TINAG: variants seen among roughly 807,000 people sequenced by gnomAD.
The protein encoded by TINAG is tubulointerstitial nephritis antigen.
Under a neutral mutation model 72.7 loss-of-function variants are expected in TINAG, and 83 were observed. The observed-to-expected ratio is 1.14, with a 90% CI of 0.96 to 1.37. The LOEUF (loss-of-function observed/expected upper bound fraction) is 1.37, where lower values mean the gene tolerates loss of function less well. Among genes scored for constraint, TINAG ranks in the 40% most tolerant of loss-of-function variants. The pLI is 0.00. For missense variants in TINAG, 685 were observed against 576.6 expected (o/e 1.19, Z -1.93); for synonymous variants, 234 against 189.9 (o/e 1.23, Z -1.91).
In TINAG at chr6:54,347,378, G is replaced by A. The variant is rs761763042; in HGVS notation, c.760G>A (p.Asp254Asn). ...TCTATTTGAAACAGGTGTGGCTGCT[G>A]ACCGAATAGCAATTCAGTCTAAGGG... The part of the protein sequence containing the change: ...WAFSTASVAA[D>N]RIAIQSKGRY... The change falls in exon 6 of 11, where the codon GAC (aspartate) becomes AAC (asparagine). Residue 254 changes from aspartate to asparagine, a missense_variant. Physicochemically the swap from Asp to Asn is conservative, Grantham distance 23. Coordinates refer to ENST00000259782, the MANE Select transcript of TINAG (RefSeq NM_014464.4). 3.1e-6 allele frequency: 5 copies of A among 1,612,478 alleles called. No individual in the cohort carries two copies. The South Asian group carries it at 4.4e-5, about 14-fold the overall frequency.
intron 3 of TINAG, among the ~76,000 whole-genome samples, chr6:54,324,087 G>A (rs554550753): frequency 3.3e-5 from 5 of 152,172 alleles, no homozygotes; most frequent in Non-Finnish European, 5.9e-5. Context: ...AGTGGCACAA[G>A]TAATAATCAG....
intron 4 of TINAG, among the ~76,000 whole-genome samples, chr6:54,337,275 CAG>C (rs1429240821): frequency 9.1e-6 from 1 of 109,490 alleles, no homozygotes; most frequent in African/African-American, 3.5e-5. Context: ...TTTTTTGAGA[CAG>C]AGTCTTGCTC....
intron 9 of TINAG, among the ~76,000 whole-genome samples, chr6:54,370,131 GAAAT>G (rs1763560046): frequency 6.6e-6 from 1 of 152,030 alleles, no homozygotes; most frequent in Non-Finnish European, 1.5e-5. Flanking sequence ...TGAAGAAAAA[GAAAT>G]AAATAAATGA....
chr6:54,318,466 G>A (rs1175631176), intron 1 of TINAG, among the ~76,000 whole-genome samples: 1 of 151,954 alleles, frequency 6.6e-6, no homozygotes, highest in Non-Finnish European at 1.5e-5. Context: ...TTCCCTTTGA[G>A]TTACCTCCAA....
At chr6:54,315,606 G>A (rs1484223976) in intron 1 of TINAG, among the ~76,000 whole-genome samples, 1 of 151,936 alleles carries the variant, frequency 6.6e-6, no homozygotes, top group African/African-American at 2.4e-5. Flanking sequence ...AAGCCCAGGA[G>A]TTTGAGGCTT....
chr6:54,374,406 G>A (rs578055231), intron 9 of TINAG, among the ~76,000 whole-genome samples: 2 of 152,038 alleles, frequency 1.3e-5, no homozygotes, highest in Non-Finnish European at 1.5e-5. Flanking sequence ...AAAATTAAGT[G>A]GTGGTAGGGA....
At chr6:54,351,964 A>G (rs1442925589) in intron 8 of TINAG, among the ~76,000 whole-genome samples, 1 of 151,880 alleles carries the variant, frequency 6.6e-6, no homozygotes, top group Non-Finnish European at 1.5e-5. Flanking sequence ...GAAATCATAC[A>G]GTTACTTGTA....
chr6:54,309,594 T>C (rs1237401189), intron 1 of TINAG, among the ~76,000 whole-genome samples: 1 of 152,152 alleles, frequency 6.6e-6, no homozygotes, highest in Non-Finnish European at 1.5e-5. Flanking sequence ...ATGGTATTTA[T>C]TATATTTATC....
intron 9 of TINAG, among the ~76,000 whole-genome samples, chr6:54,369,437 T>A (rs1330530795): frequency 1.3e-5 from 2 of 151,976 alleles, no homozygotes; most frequent in Non-Finnish European, 2.9e-5. Flanking sequence ...AGAGCACACA[T>A]ATATATGATA....
intron 10 of TINAG, among the ~76,000 whole-genome samples, chr6:54,386,920 T>C (rs1764114882): frequency 6.6e-6 from 1 of 152,040 alleles, no homozygotes; most frequent in Non-Finnish European, 1.5e-5. Flanking sequence ...TCAGACTACA[T>C]TAAAATAAGA....
intron 7 of TINAG, among the ~76,000 whole-genome samples, 196 bp downstream of exon 7, chr6:54,350,092 T>C (rs1239457427): frequency 2.0e-5 from 3 of 152,064 alleles, no homozygotes; most frequent in Non-Finnish European, 4.4e-5. Flanking sequence ...ATTAGCAGTG[T>C]AAAGGACTGA....
chr6:54,361,923 C>T (rs111271643), intron 9 of TINAG, among the ~76,000 whole-genome samples: 6 of 151,754 alleles, frequency 4.0e-5, no homozygotes, highest in African/African-American at 1.2e-4. Flanking sequence ...AAGCCTAATT[C>T]ACAGCAAGGC....
intron 9 of TINAG, among the ~76,000 whole-genome samples, chr6:54,375,652 C>T (rs577898629): frequency 1.3e-4 from 20 of 152,246 alleles, no homozygotes; most frequent in South Asian, 1.2e-3. Flanking sequence ...AATTCACTGG[C>T]TCAACAAATA....
At chr6:54,316,965 C>T (rs907407780) in intron 1 of TINAG, among the ~76,000 whole-genome samples, 4 of 152,108 alleles carry the variant, frequency 2.6e-5, no homozygotes, top group African/African-American at 9.7e-5. Flanking sequence ...GTAATTTCAA[C>T]AGTCATTAGT....
chr6:54,329,988 C>T (rs528624104), intron 4 of TINAG, among the ~76,000 whole-genome samples: 18 of 151,914 alleles, frequency 1.2e-4, no homozygotes, highest in Non-Finnish European at 2.2e-4. Flanking sequence ...TCTTAAAGAC[C>T]TACCGAGACT....
intron 1 of TINAG, 148 bp downstream of exon 1, chr6:54,309,053 GT>G (rs1784179108): frequency 1.1e-6 from 1 of 876,532 alleles, no homozygotes; most frequent in Non-Finnish European, 1.7e-6. Flanking sequence ...TCTTTGGATT[GT>G]TAAAGTGCTT....
chr6:54,326,325 A>G (rs767785851), intron 3 of TINAG, among the ~76,000 whole-genome samples: 5 of 151,886 alleles, frequency 3.3e-5, no homozygotes, highest in Admixed American at 6.6e-5. Context: ...TAATTTTTAA[A>G]AATCTGATGT....
intron 4 of TINAG, among the ~76,000 whole-genome samples, chr6:54,342,361 CTT>C (rs70983413): frequency 2.1e-4 from 30 of 140,446 alleles, no homozygotes; most frequent in Admixed American, 2.9e-4. Flanking sequence ...TTCCTGAAGT[CTT>C]TTTTTTTTTT....
At chr6:54,317,057 A>G (rs145129111) in intron 1 of TINAG, among the ~76,000 whole-genome samples, 15 of 152,234 alleles carry the variant, frequency 9.9e-5, no homozygotes, top group African/African-American at 3.6e-4. Flanking sequence ...AGCTCCAGAC[A>G]TATTTTACTG....
Sources: allele counts gnomAD v4.1 joint callset (sites outside exome capture counted in the v4.1 genomes callset), GRCh38; gene constraint gnomAD v4.1.1; transcripts MANE v1.5; gene names NCBI Gene and HGNC (gene_info 2026-07-23, HGNC 2026-07-21).